Variants in PXYLP1 observed in about 807,000 individuals in gnomAD.
PXYLP1 encodes the protein acid phosphatase-like 2.
PXYLP1 carries 17 observed loss-of-function variants against 37.9 expected under a neutral mutation model. That is an observed-to-expected ratio of 0.45 (90% confidence interval 0.31 to 0.67). PXYLP1 has a LOEUF of 0.67. Ranked by LOEUF, PXYLP1 falls within the 30% of genes least tolerant of loss-of-function variation. The pLI is 0.07. For missense variants in PXYLP1, 511 were observed against 612.0 expected, an observed-to-expected ratio of 0.84 and a Z score of 1.74; for synonymous variants, 221 against 232.2, an observed-to-expected ratio of 0.95 and a Z score of 0.44.
intron 1 of PXYLP1, among the ~76,000 whole-genome samples, chr3:141,257,352 C>T (rs983419659): frequency 2.6e-5 from 4 of 152,158 alleles, no homozygotes; most frequent in Non-Finnish European, 5.9e-5. Context: ...GAAGACAAGC[C>T]CCAATGCATA....
intron 1 of PXYLP1, among the ~76,000 whole-genome samples, chr3:141,259,743 T>C (rs910473037): frequency 6.6e-6 from 1 of 152,214 alleles, no homozygotes; most frequent in African/African-American, 2.4e-5. Flanking sequence ...GATTTAAAGG[T>C]TAAAGGTCAC....
intron 4 of PXYLP1, among the ~76,000 whole-genome samples, chr3:141,285,160 TTTTTGA>T (rs930778941): frequency 2.0e-5 from 3 of 148,530 alleles, no homozygotes; most frequent in Non-Finnish European, 3.0e-5. Flanking sequence ...TTTTTTTTTT[TTTTTGA>T]GACAGGGTAT....
At chr3:141,249,121 A>G (rs964675855) in intron 1 of PXYLP1, among the ~76,000 whole-genome samples, 1 of 152,152 alleles carries the variant, frequency 6.6e-6, no homozygotes, top group African/African-American at 2.4e-5. Flanking sequence ...GTGTTCTCAG[A>G]TTTACTTCTA....
chr3:141,239,551 A>C (rs1452301204), intron 1 of PXYLP1, among the ~76,000 whole-genome samples: 1 of 152,194 alleles, frequency 6.6e-6, no homozygotes, highest in African/African-American at 2.4e-5. Context: ...TGCTCTAATG[A>C]CTGCTGATTA....
intron 1 of PXYLP1, among the ~76,000 whole-genome samples, chr3:141,254,727 G>A (rs898777945): frequency 1.3e-5 from 2 of 149,782 alleles, no homozygotes; most frequent in African/African-American, 4.9e-5. Flanking sequence ...TTTTTTAATT[G>A]TAATGCTGTA....
At chr3:141,272,937 T>C in intron 2 of PXYLP1, 2 of 958,860 alleles carry the variant, frequency 2.1e-6, no homozygotes, top group Non-Finnish European at 2.5e-6. Flanking sequence ...ATACTTTGTG[T>C]TCTTCAACCC....
chr3:141,292,591 G>T lies in PXYLP1; in HGVS notation c.829G>T (p.Glu277Ter), dbSNP rs1942250130. Residue 277 changes from glutamate (E) to a stop codon, truncating the protein, a stop_gained, in exon 6 of 6, where the codon GAG becomes TAG. Transcript: ENST00000286353. LOFTEE classifies it high-confidence loss of function. This position sits in a 1 kb window ranked among gnomAD's most constrained non-coding sequence, Gnocchi z 4.3. ...KNSQLEKTYGEMAKIVDVPTK... is the reference protein window; with the variant it reads ...KNSQLEKTYG ...CAGCCAGCTGGAGAAGACCTACGGGGAGATGGCCAAGATCGTGGATGTCCC... is the reference window on the plus strand; with the variant it reads ...CAGCCAGCTGGAGAAGACCTACGGGTAGATGGCCAAGATCGTGGATGTCCC... 1.2e-6 allele frequency: 2 copies of T among 1,614,072 alleles called. No homozygotes were observed. The highest frequency in any genetic ancestry group is 1.7e-6 in the Non-Finnish European group (2 of 1,180,012).
chr3:141,270,962 C>A (rs1941648933), intron 2 of PXYLP1, among the ~76,000 whole-genome samples: 1 of 152,188 alleles, frequency 6.6e-6, no homozygotes, highest in African/African-American at 2.4e-5. Flanking sequence ...GTGATCAGGG[C>A]TCACTGCAGC....
rs146787521 is a variant in PXYLP1 at position 141,292,541 on chromosome 3, G to A, written c.779G>A (p.Arg260His). ...RNQYLEKEQR[R>H]QYLLRLKNSQ... is the part of the protein sequence containing the mutation. ...CAGTATCTGGAAAAGGAGCAGCGTC[G>A]TCAGTACCTCCTACGTTTGAAAAAC... Residue 260 changes from arginine (R) to histidine (H), a missense_variant, in exon 6 of 6, where the codon CGT (arginine) becomes CAT (histidine). Transcript: ENST00000286353. The surrounding 1 kb of genome is among the most constrained non-coding windows in gnomAD (Gnocchi z 4.3). The A allele has an allele frequency of 2.0e-5, 33 of 1,614,078 alleles. No individual in the cohort carries two copies. The highest frequency in any genetic ancestry group is 3.3e-5 in the Admixed American group (2 of 60,006).
In PXYLP1 at chr3:141,276,094, G is replaced by A. The variant is rs934793029; in HGVS notation, c.80-2248G>A. 4.6e-5 allele frequency among the ~76,000 whole-genome samples: 7 copies of A among 152,266 alleles called. No homozygotes were observed. In the South Asian group the frequency reaches 1.2e-3, roughly 27 times the overall value. ...CAGTTCAGGTTTGTAGCCTAGGAGC[G>A]GCAGGCTGACCAAATAGCCTAGGTG... On this transcript the variant is annotated intron_variant, in intron 2 of 5. Transcript: ENST00000286353.
chr3:141,259,130 A>G (rs1941331451), intron 1 of PXYLP1, among the ~76,000 whole-genome samples: 1 of 152,204 alleles, frequency 6.6e-6, no homozygotes, highest in Non-Finnish European at 1.5e-5. Flanking sequence ...CAATGGCTAT[A>G]TTCAGTTATA....
At chr3:141,253,364 C>T (rs1271284030) in intron 1 of PXYLP1, among the ~76,000 whole-genome samples, 1 of 152,232 alleles carries the variant, frequency 6.6e-6, no homozygotes, top group East Asian at 1.9e-4. Context: ...AGGCACAACA[C>T]TTCCCTGCAT....
At chr3:141,248,512 TACAC>T (rs1163356024) in intron 1 of PXYLP1, among the ~76,000 whole-genome samples, 32 of 102,174 alleles carry the variant, frequency 3.1e-4, no homozygotes, top group African/African-American at 7.3e-4. Context: ...TATATATATA[TACAC>T]ACACACACAC....
In PXYLP1 at chr3:141,292,371, G is replaced by T. The variant is rs768030500; in HGVS notation, c.609G>T (p.Glu203Asp). ...GGTCTGCAGACCAGCTCTATTTAGA[G>T]ACCACTGGGAAAAGCCGGACCCTAC... ...NDWSADQLYL[E>D]TTGKSRTLQS... The change falls in exon 6 of 6, where the codon GAG (glutamate) becomes GAT (aspartate). Residue 203 changes from glutamate to aspartate, a missense_variant. Transcript: ENST00000286353. The surrounding 1 kb of genome is among the most constrained non-coding windows in gnomAD (Gnocchi z 4.3). The T allele has an allele frequency of 8.7e-6, 14 of 1,614,146 alleles. No homozygotes were observed. Among genetic ancestry groups the T allele is most frequent in the Non-Finnish European group, 1.1e-5 (13 of 1,180,050 alleles).
Position 141,293,265 on chromosome 3 carries a change from C to A in PXYLP1, c.*60C>A. The A allele has an allele frequency of 1.3e-6, 2 of 1,483,928 alleles. No individual in the cohort carries two copies. The highest frequency in any genetic ancestry group is 2.6e-5 in the South Asian group (2 of 75,522). The allele number at this position is 1,483,928 out of a possible 1,614,324, so 91.9% of individuals were successfully genotyped here. A position where few individuals can be genotyped will look rare whatever the true frequency, so the allele number is the denominator to read the frequency against. On this transcript the variant is annotated 3_prime_UTR_variant, in exon 6 of 6. Transcript: ENST00000286353. ...AATACAGAGCATAGGGAAAGGTCCA[C>A]TTCTAGTTTTGTCTGTTACTAAGGG...
intron 2 of PXYLP1, among the ~76,000 whole-genome samples, chr3:141,277,716 G>C (rs542430874): frequency 2.0e-5 from 3 of 152,300 alleles, no homozygotes; most frequent in Admixed American, 6.5e-5. Context: ...AATGAGGGTA[G>C]TAGATGGACA....
At chr3:141,249,561 G>C (rs1182256672) in intron 1 of PXYLP1, among the ~76,000 whole-genome samples, 9 of 145,590 alleles carry the variant, frequency 6.2e-5, no homozygotes, top group Non-Finnish European at 1.5e-5. Flanking sequence ...CTTGCAGCCT[G>C]CCTGTTTAAT....
chr3:141,274,235 C>A (rs2148800892), intron 2 of PXYLP1: 1 of 1,210,616 alleles, frequency 8.3e-7, no homozygotes, highest in East Asian at 4.3e-5. Flanking sequence ...GTGAGTAGCA[C>A]AGCACCAGGG....
chr3:141,246,753 T>C (rs1940968923), intron 1 of PXYLP1, among the ~76,000 whole-genome samples: 1 of 152,244 alleles, frequency 6.6e-6, no homozygotes, highest in South Asian at 2.1e-4. Context: ...TGGAGCTCAG[T>C]GTTGCCACAT....
Sources: gnomAD v4.1 joint callset for allele counts (sites outside exome capture counted in the v4.1 genomes callset) on GRCh38, gnomAD v4.1.1 for gene constraint, Gnocchi (gnomAD v3.1) non-coding constraint, MANE v1.5 for transcripts, NCBI Gene and HGNC (gene_info 2026-07-23, HGNC 2026-07-21) for gene names.